The following FNDC3A variants were observed in gnomAD, a reference collection of about 807,000 sequenced individuals.
FNDC3A encodes the protein fibronectin type III domain containing 3A.
In FNDC3A, 32 loss-of-function variants were observed where a neutral mutation model predicts 148.9. The ratio of observed to expected loss-of-function variants is 0.21; its 90% CI spans 0.16 to 0.29. FNDC3A has a LOEUF of 0.29. FNDC3A is among the 10% of genes least tolerant of loss of function. The probability of loss-of-function intolerance (pLI) is 1.00; values close to 1 mark genes in which losing one functional copy is unlikely to be tolerated. For missense variants in FNDC3A, 1,191 were observed against 1,452.8 expected (o/e 0.82, Z 2.93); for synonymous variants, 472 against 473.6 (o/e 1.00, Z 0.04).
intron 19 of FNDC3A, among the ~76,000 whole-genome samples, chr13:49,195,969 G>C (rs1412949223): frequency 6.6e-6 from 1 of 151,702 alleles, no homozygotes; most frequent in Non-Finnish European, 1.5e-5. Flanking sequence ...AGCTACTCAG[G>C]AGGCTGAGGT....
intron 2 of FNDC3A, among the ~76,000 whole-genome samples, chr13:49,033,001 T>C (rs1874239541): frequency 1.3e-5 from 2 of 152,182 alleles, no homozygotes; most frequent in Non-Finnish European, 2.9e-5. Flanking sequence ...TATCAATCTT[T>C]CTTTGATAAA....
rs1411542874 is a variant in FNDC3A at position 49,186,102 on chromosome 13, G to A, written c.1756G>A (p.Asp586Asn). ...IHSHSFKITW[D>N]PPKDNGGATI... is the part of the protein sequence containing the mutation. ...TTCACACAGTTTTAAAATAACCTGGGGTAAGATATTATGCATGTTTATACA... is the reference window on the plus strand; with the variant it reads ...TTCACACAGTTTTAAAATAACCTGGAGTAAGATATTATGCATGTTTATACA... The change falls in exon 15 of 26, where the codon GAT (aspartate) becomes AAT (asparagine). Residue 586 changes from aspartate to asparagine, a missense_variant and splice_region_variant. Transcript: ENST00000492622. The A allele has an allele frequency of 1.2e-6, 2 of 1,606,452 alleles. No individual in the cohort carries two copies. The highest frequency in any genetic ancestry group is 1.7e-5 in the Admixed American group (1 of 59,618).
At chr13:49,140,144 G>A (rs773956190) in intron 7 of FNDC3A, among the ~76,000 whole-genome samples, 4 of 152,112 alleles carry the variant, frequency 2.6e-5, no homozygotes, top group Admixed American at 6.5e-5. Flanking sequence ...ACCAGCCTGA[G>A]TAATATATTG....
chr13:49,079,722 C>T (rs1566236794), intron 3 of FNDC3A, among the ~76,000 whole-genome samples: 1 of 152,080 alleles, frequency 6.6e-6, no homozygotes, highest in Non-Finnish European at 1.5e-5. Flanking sequence ...CACTCCTGAG[C>T]TTCTCTCTCT....
At chr13:49,097,135 A>G (rs1291611577) in intron 3 of FNDC3A, among the ~76,000 whole-genome samples, 1 of 152,074 alleles carries the variant, frequency 6.6e-6, no homozygotes, top group Admixed American at 6.6e-5. Context: ...GGAACCATTG[A>G]AGGATTTTAA....
At chr13:49,160,518 T>C (rs1489332989) in intron 8 of FNDC3A, among the ~76,000 whole-genome samples, 2 of 151,440 alleles carry the variant, frequency 1.3e-5, no homozygotes, top group Non-Finnish European at 3.0e-5. Flanking sequence ...TTTTCTTCTT[T>C]ATTAGTCTTG....
At chr13:49,152,687 G>T (rs1237828093) in intron 8 of FNDC3A, among the ~76,000 whole-genome samples, 1 of 92,126 alleles carries the variant, frequency 1.1e-5, no homozygotes, top group Non-Finnish European at 2.1e-5. Context: ...CCCCACCACA[G>T]TCCCCAGAGT....
At chr13:49,111,278 T>C (rs952825732) in intron 3 of FNDC3A, among the ~76,000 whole-genome samples, 1 of 152,118 alleles carries the variant, frequency 6.6e-6, no homozygotes, top group East Asian at 1.9e-4. Context: ...GACACAGGAG[T>C]AACAACAGAC....
chr13:49,048,040 T>G (rs1566213605), intron 2 of FNDC3A, among the ~76,000 whole-genome samples: 2 of 152,216 alleles, frequency 1.3e-5, no homozygotes, highest in African/African-American at 4.8e-5. Context: ...CAACACTATT[T>G]GTTGAATAGG....
intron 8 of FNDC3A, among the ~76,000 whole-genome samples, chr13:49,165,466 G>A (rs1283270101): frequency 6.6e-6 from 1 of 152,198 alleles, no homozygotes; most frequent in Non-Finnish European, 1.5e-5. Context: ...TTTCCACAGT[G>A]GCTTAGGGTG....
chr13:48,998,229 A>C (rs1359196016), intron 1 of FNDC3A, among the ~76,000 whole-genome samples: 1 of 152,180 alleles, frequency 6.6e-6, no homozygotes, highest in African/African-American at 2.4e-5. Flanking sequence ...TTAGGTAAAG[A>C]GATTTCTAAG....
At chr13:49,110,196 G>T (rs1474810111) in intron 3 of FNDC3A, 1 of 471,030 alleles carries the variant, frequency 2.1e-6, no homozygotes, top group Non-Finnish European at 3.7e-6. Flanking sequence ...CTGCAAGCGG[G>T]AACGTTTGCT....
At chr13:49,055,458 T>A (rs1279001600) in intron 2 of FNDC3A, among the ~76,000 whole-genome samples, 1 of 152,070 alleles carries the variant, frequency 6.6e-6, no homozygotes, top group Non-Finnish European at 1.5e-5. Flanking sequence ...CCCTCCTCCC[T>A]TTTGGAATTT....
chr13:49,020,027 C>G (rs111381512), intron 2 of FNDC3A, among the ~76,000 whole-genome samples: 3 of 152,216 alleles, frequency 2.0e-5, no homozygotes, highest in East Asian at 1.9e-4. Context: ...TTTGGAAGTA[C>G]ATTTTTATAA....
intron 2 of FNDC3A, among the ~76,000 whole-genome samples, chr13:49,072,370 GAGTTAAAA>G (rs971286642): frequency 2.6e-5 from 4 of 151,996 alleles, no homozygotes; most frequent in African/African-American, 9.7e-5. Flanking sequence ...AAAAAAGTGA[GAGTTAAAA>G]AGTTAAAAAA....
chr13:48,990,978 A>AAG, intron 1 of FNDC3A, among the ~76,000 whole-genome samples: 1 of 152,326 alleles, frequency 6.6e-6, no homozygotes, highest in Admixed American at 6.5e-5. Flanking sequence ...ATAAATCAAC[A>AAG]AGAGAGAGGG....
chr13:49,179,698 G>A (rs563032155), intron 14 of FNDC3A, among the ~76,000 whole-genome samples: 1 of 152,194 alleles, frequency 6.6e-6, no homozygotes, highest in East Asian at 1.9e-4. Context: ...TTTGATTATT[G>A]TGAGGCTCAA....
intron 3 of FNDC3A, among the ~76,000 whole-genome samples, chr13:49,107,644 CAA>C (rs1011263580): frequency 9.9e-5 from 15 of 152,062 alleles, no homozygotes; most frequent in Non-Finnish European, 1.5e-5. Flanking sequence ...TCCATAACAT[CAA>C]GAGTTCAGTT....
chr13:49,017,106 T>C (rs1440487325), intron 2 of FNDC3A, among the ~76,000 whole-genome samples: 1 of 152,140 alleles, frequency 6.6e-6, no homozygotes, highest in Non-Finnish European at 1.5e-5. Flanking sequence ...GTTCTGCAGA[T>C]GTCTATTAGG....
Sources: allele counts gnomAD v4.1 joint callset (sites outside exome capture counted in the v4.1 genomes callset), GRCh38; gene constraint gnomAD v4.1.1; transcripts MANE v1.5; gene names NCBI Gene and HGNC (gene_info 2026-07-23, HGNC 2026-07-21).